Variants in SORCS3 observed in about 807,000 individuals in gnomAD.
SORCS3 encodes the protein VPS10 domain-containing receptor SorCS3.
Under a neutral mutation model 146.3 loss-of-function variants are expected in SORCS3, and 57 were observed. The observed-to-expected ratio is 0.39, with a 90% confidence interval of 0.31 to 0.49. The LOEUF (loss-of-function observed/expected upper bound fraction) is 0.49, where lower values mean the gene tolerates loss of function less well. Among genes scored for constraint, SORCS3 ranks in the 20% least tolerant of loss-of-function variants. SORCS3 has a pLI of 0.92. For missense variants in SORCS3, 1,341 were observed against 1,575.5 expected, an observed-to-expected ratio of 0.85 and a Z score of 2.52; for synonymous variants, 653 against 618.5, an observed-to-expected ratio of 1.06 and a Z score of -0.83.
At position 104,673,419 on chromosome 10, in the gene SORCS3, C is replaced by T. The variant is rs528543005; in HGVS notation, c.627+31465C>T. ...AAAATGTAAGTTTATTTCTTATTTCCGTGTGTGTGTGTGTGTGTGTGTGTG... is the reference window on the plus strand; with the variant it reads ...AAAATGTAAGTTTATTTCTTATTTCTGTGTGTGTGTGTGTGTGTGTGTGTG... On this transcript the variant is annotated intron_variant, in intron 1 of 26. Transcript: ENST00000369701. Among the ~76,000 whole-genome samples the T allele has an allele frequency of 2.6e-4, 38 of 146,090 alleles. No individual in the cohort carries two copies. The South Asian group carries it at 5.6e-3, about 21-fold the overall frequency.
intron 2 of SORCS3, among the ~76,000 whole-genome samples, chr10:104,909,485 G>A (rs1015474757): frequency 2.6e-5 from 4 of 152,156 alleles, no homozygotes; most frequent in Non-Finnish European, 5.9e-5. Flanking sequence ...GGCCACTGAG[G>A]AGATGACTTC....
chr10:105,032,533 C>A (rs552885647), intron 4 of SORCS3, among the ~76,000 whole-genome samples: 1 of 152,064 alleles, frequency 6.6e-6, no homozygotes, highest in Admixed American at 6.6e-5. Context: ...ATTTTCTGAG[C>A]GCTACTAATA....
At chr10:105,177,888 A>G (rs988183943) in intron 13 of SORCS3, among the ~76,000 whole-genome samples, 178 bp from the exon 14 acceptor site, 1 of 152,166 alleles carries the variant, frequency 6.6e-6, no homozygotes, top group Non-Finnish European at 1.5e-5. Context: ...AAGTCCAGAA[A>G]TGCAGTTTTG....
At chr10:104,825,539 C>G (rs1234873719) in intron 1 of SORCS3, among the ~76,000 whole-genome samples, 3 of 152,188 alleles carry the variant, frequency 2.0e-5, no homozygotes, top group African/African-American at 7.2e-5. Flanking sequence ...CAGCTCACAT[C>G]CGTTTCTGCC....
chr10:104,952,108 G>C (rs186713460), intron 3 of SORCS3, among the ~76,000 whole-genome samples: 1 of 151,098 alleles, frequency 6.6e-6, no homozygotes, highest in East Asian at 1.9e-4. Context: ...GTGGTTCTTG[G>C]ACCAGTAGCA....
intron 1 of SORCS3, among the ~76,000 whole-genome samples, chr10:104,667,646 C>G (rs2015797820): frequency 6.6e-6 from 1 of 152,138 alleles, no homozygotes; most frequent in Non-Finnish European, 1.5e-5. Context: ...AATGAATGAA[C>G]AAGTAACAAG....
chr10:105,141,165 G>T (rs1217316647), intron 8 of SORCS3, among the ~76,000 whole-genome samples: 1 of 152,158 alleles, frequency 6.6e-6, no homozygotes, highest in Non-Finnish European at 1.5e-5. Flanking sequence ...GTGGCTGCAG[G>T]TGGGGACAAA....
At chr10:105,199,909 A>C in intron 14 of SORCS3, 90 bp from the exon 15 acceptor site, 12 of 850,614 alleles carry the variant, frequency 1.4e-5, no homozygotes, top group East Asian at 5.1e-5. Context: ...GCTGCAGTGA[A>C]TCTCTATCTC....
rs1471701107 is a variant in SORCS3, at chr10:105,201,254, G to T, written c.2261+1G>T. ...TCTGTGCCAATTGGGACTTCGAGTG[G>T]TGAGTTGTTTGGCATTTCATTACCA... On this transcript the variant is annotated splice_donor_variant, in intron 16 of 26. Coordinates refer to ENST00000369701, the MANE Select transcript of SORCS3 (RefSeq NM_014978.3). LOFTEE classifies it high-confidence loss of function. 1 of 1,604,046 alleles carries T rather than the reference G, an allele frequency of 6.2e-7. No homozygotes were observed. The highest frequency in any genetic ancestry group is 1.1e-5 in the South Asian group (1 of 88,126).
chr10:105,052,665 A>G (rs1330955674), intron 5 of SORCS3, among the ~76,000 whole-genome samples: 1 of 151,978 alleles, frequency 6.6e-6, no homozygotes, highest in East Asian at 1.9e-4. Flanking sequence ...GGGAGAGTTG[A>G]ATAGGTTGGT....
intron 7 of SORCS3, among the ~76,000 whole-genome samples, chr10:105,129,337 T>C (rs369887498): frequency 0.1 from 10,360 of 99,624 alleles, 564 homozygotes; most frequent in Middle Eastern, 0.16. Flanking sequence ...TTCTCTTTTT[T>C]TTTTTTTTTT....
chr10:105,074,637 G>T (rs1301967364), intron 5 of SORCS3, among the ~76,000 whole-genome samples: 1 of 152,110 alleles, frequency 6.6e-6, no homozygotes, highest in African/African-American at 2.4e-5. Flanking sequence ...CTTCCTGGGG[G>T]TCCCCATATG....
chr10:104,933,685 C>A (rs553392232), intron 3 of SORCS3, among the ~76,000 whole-genome samples: 1 of 152,362 alleles, frequency 6.6e-6, no homozygotes, highest in South Asian at 2.1e-4. Flanking sequence ...CCGTGTAAAT[C>A]ATGTAAATGT....
chr10:104,706,201 CTT>C (rs1162969172), intron 1 of SORCS3, among the ~76,000 whole-genome samples: 3 of 85,872 alleles, frequency 3.5e-5, no homozygotes, highest in Admixed American at 1.5e-4. Flanking sequence ...TTTTCTTCTT[CTT>C]TTTTTTTTTT....
chr10:104,888,040 G>GT (rs138928480), intron 2 of SORCS3, among the ~76,000 whole-genome samples: 64 of 148,048 alleles, frequency 4.3e-4, no homozygotes, highest in Non-Finnish European at 1.5e-4. Context: ...TTTATGGTGT[G>GT]TTTTTTTTGA....
chr10:105,142,471 T>C (rs2056101752), intron 8 of SORCS3, among the ~76,000 whole-genome samples: 1 of 152,218 alleles, frequency 6.6e-6, no homozygotes, highest in African/African-American at 2.4e-5. Flanking sequence ...ACAAAATGCC[T>C]GCTAATTTGA....
rs544643223 is a variant in SORCS3 at position 104,888,080 on chromosome 10, G to A, written c.696-27753G>A. Among the ~76,000 whole-genome samples, 6 of 151,784 alleles carry A rather than the reference G, an allele frequency of 4.0e-5. No homozygotes were observed. The South Asian group carries it at 1.3e-3, about 32-fold the overall frequency. ...AGTTGGGAAGCTGTGCTCTCCCCTT[G>A]GACCTCTTTTCCTTTTGCTTGCAGC... On this transcript the variant is annotated intron_variant, in intron 2 of 26. Transcript: ENST00000369701.
intron 1 of SORCS3, among the ~76,000 whole-genome samples, chr10:104,694,673 T>A (rs1401130646): frequency 6.6e-6 from 1 of 152,160 alleles, no homozygotes; most frequent in Non-Finnish European, 1.5e-5. Flanking sequence ...TAGGTGGGCA[T>A]GTGCCTCTGT....
chr10:104,772,621 C>G (rs2017264957), intron 1 of SORCS3, among the ~76,000 whole-genome samples: 1 of 152,206 alleles, frequency 6.6e-6, no homozygotes, highest in Non-Finnish European at 1.5e-5. Context: ...TGCATTCACC[C>G]TCTGTTCTTC....
Sources: gnomAD v4.1 joint callset for allele counts (sites outside exome capture counted in the v4.1 genomes callset) on GRCh38, gnomAD v4.1.1 for gene constraint, MANE v1.5 for transcripts, NCBI Gene and HGNC (gene_info 2026-07-23, HGNC 2026-07-21) for gene names.